Variants in DYNC1I1 observed in about 807,000 individuals in gnomAD.
DYNC1I1 encodes the protein cytoplasmic dynein 1 intermediate chain 1.
DYNC1I1 carries 43 observed loss-of-function variants against 86.6 expected under a neutral mutation model. The observed-to-expected ratio is 0.50, with a 90% CI of 0.39 to 0.64. DYNC1I1 has a LOEUF of 0.64. Among genes scored for constraint, DYNC1I1 ranks in the 30% least tolerant of loss-of-function variants. DYNC1I1 has a pLI of 0.00. For missense variants in DYNC1I1, 604 were observed against 788.8 expected (o/e 0.77, Z 2.81); for synonymous variants, 262 against 283.7 (o/e 0.92, Z 0.77).
intron 5 of DYNC1I1, among the ~76,000 whole-genome samples, chr7:95,831,261 T>A (rs1584260119): frequency 1.3e-5 from 2 of 152,220 alleles, no homozygotes; most frequent in African/African-American, 2.4e-5. Flanking sequence ...CTTTTATGGA[T>A]CATGCTTTTG....
At chr7:95,944,320 A>G (rs1448313187) in intron 6 of DYNC1I1, among the ~76,000 whole-genome samples, 1 of 152,196 alleles carries the variant, frequency 6.6e-6, no homozygotes, top group Non-Finnish European at 1.5e-5. Context: ...CAAAACCACA[A>G]TGAGATACCA....
intron 6 of DYNC1I1, among the ~76,000 whole-genome samples, chr7:95,894,007 TC>T (rs1490628250): frequency 2.0e-5 from 3 of 152,142 alleles, no homozygotes; most frequent in African/African-American, 7.2e-5. Flanking sequence ...AATGAGAATC[TC>T]TGATGAAGCC....
intron 9 of DYNC1I1, among the ~76,000 whole-genome samples, chr7:95,989,264 G>C (rs548734203): frequency 2.5e-4 from 38 of 152,292 alleles, no homozygotes; most frequent in African/African-American, 9.1e-4. Flanking sequence ...CCCACAACTA[G>C]ACCCTCATCA....
chr7:95,864,525 C>T (rs1434260969), intron 5 of DYNC1I1, among the ~76,000 whole-genome samples: 1 of 152,182 alleles, frequency 6.6e-6, no homozygotes, highest in Admixed American at 6.5e-5. Flanking sequence ...AAGAAACTCT[C>T]AGGGGAAAGT....
chr7:95,981,702 A>T (rs1793462925), intron 7 of DYNC1I1, among the ~76,000 whole-genome samples: 2 of 152,080 alleles, frequency 1.3e-5, no homozygotes, highest in Admixed American at 1.3e-4. Context: ...GAAACACTCC[A>T]TGTTTTGTGT....
At chr7:96,085,877 G>A (rs1463920794) in intron 16 of DYNC1I1, among the ~76,000 whole-genome samples, 1 of 151,290 alleles carries the variant, frequency 6.6e-6, no homozygotes, top group African/African-American at 2.4e-5. Flanking sequence ...ACATGGGTAG[G>A]ATAATAAGTC....
intron 16 of DYNC1I1, among the ~76,000 whole-genome samples, chr7:96,105,511 G>T (rs1423620798): frequency 6.6e-6 from 1 of 151,920 alleles, no homozygotes; most frequent in Non-Finnish European, 1.5e-5. Flanking sequence ...AAATCATTTG[G>T]TCAACATGTA....
chr7:95,885,486 T>C (rs913693973), intron 6 of DYNC1I1, among the ~76,000 whole-genome samples: 1 of 152,028 alleles, frequency 6.6e-6, no homozygotes, highest in Non-Finnish European at 1.5e-5. Flanking sequence ...CCTTCATTTT[T>C]TTCTTCCTAA....
chr7:95,928,179 T>A (rs1218066396), intron 6 of DYNC1I1, among the ~76,000 whole-genome samples: 2 of 152,294 alleles, frequency 1.3e-5, no homozygotes, highest in African/African-American at 2.4e-5. Flanking sequence ...TAGCACCCAT[T>A]TCTGTAGATA....
chr7:95,839,653 A>C (rs1789223988), intron 5 of DYNC1I1, among the ~76,000 whole-genome samples: 1 of 152,138 alleles, frequency 6.6e-6, no homozygotes, highest in African/African-American at 2.4e-5. Context: ...TTTACCTTTA[A>C]CAACAGATTT....
At chr7:95,877,566 A>G (rs1399477410) in intron 6 of DYNC1I1, among the ~76,000 whole-genome samples, 2 of 152,248 alleles carry the variant, frequency 1.3e-5, no homozygotes, top group East Asian at 1.9e-4. Context: ...AAGAGCTAAC[A>G]TGATTTTCAA....
rs999458292 is a variant in DYNC1I1, at chr7:95,829,898, G to T, written c.374+1782G>T. ...CATTTTGAATTCCTGAGATTCCTGG[G>T]CATACATCTCTGAGGTTCTATCAAT... On this transcript the variant is annotated intron_variant, in intron 5 of 16. Transcript: ENST00000447467. 1.6e-4 allele frequency among the ~76,000 whole-genome samples: 24 copies of T among 151,918 alleles called. 1 individual carries two copies. Among genetic ancestry groups the T allele is most frequent in the African/African-American group, 5.1e-4 (21 of 41,364 alleles).
intron 6 of DYNC1I1, among the ~76,000 whole-genome samples, chr7:95,925,180 T>A: frequency 6.6e-6 from 1 of 152,212 alleles, no homozygotes; most frequent in Non-Finnish European, 1.5e-5. Flanking sequence ...GGATGGTTCA[T>A]GTAAGTGGGG....
chr7:96,083,396 C>T (rs989975996), intron 16 of DYNC1I1, among the ~76,000 whole-genome samples: 2 of 151,994 alleles, frequency 1.3e-5, no homozygotes, highest in Non-Finnish European at 2.9e-5. Context: ...TGTAGAGGTA[C>T]AATGTACTAA....
At chr7:95,811,473 T>A (rs1201014527) in intron 3 of DYNC1I1, among the ~76,000 whole-genome samples, 2 of 152,072 alleles carry the variant, frequency 1.3e-5, no homozygotes, top group East Asian at 3.8e-4. Context: ...ATATAAATTA[T>A]CCCATGTAGA....
chr7:96,078,383 A>G (rs146419311), intron 15 of DYNC1I1, among the ~76,000 whole-genome samples: 1 of 152,302 alleles, frequency 6.6e-6, no homozygotes, highest in East Asian at 1.9e-4. Flanking sequence ...TTTATTATTC[A>G]TCAACTTTTG....
At chr7:95,844,145 A>G (rs142464795) in intron 5 of DYNC1I1, among the ~76,000 whole-genome samples, 74 of 152,304 alleles carry the variant, frequency 4.9e-4, no homozygotes, top group Non-Finnish European at 9.7e-4. Flanking sequence ...TATAGATAAC[A>G]ATGAGCAATG....
rs541863885 is a variant in DYNC1I1, at chr7:95,882,333, G to T, written c.490+12335G>T. ...TAAAGTAGATCAAGACAATGTTCTT[G>T]CCAAAACCGGGTACTTCTTAGTCAT... On this transcript the variant is annotated intron_variant, in intron 6 of 16. Transcript: ENST00000447467. Among the ~76,000 whole-genome samples, 6 of 152,280 alleles carry T rather than the reference G, an allele frequency of 3.9e-5. No homozygotes were observed. The South Asian group carries it at 1.0e-3, about 26-fold the overall frequency.
At chr7:96,012,960 T>C (rs1035122140) in intron 10 of DYNC1I1, among the ~76,000 whole-genome samples, 3 of 151,996 alleles carry the variant, frequency 2.0e-5, no homozygotes, top group Admixed American at 2.0e-4. Context: ...AGTTCCTTAG[T>C]GGTGACTTGG....
Sources: gnomAD v4.1 joint callset for allele counts (sites outside exome capture counted in the v4.1 genomes callset) on GRCh38, gnomAD v4.1.1 for gene constraint, MANE v1.5 for transcripts, NCBI Gene and HGNC (gene_info 2026-07-23, HGNC 2026-07-21) for gene names.